The following PIAS4 variants were observed in gnomAD, a reference collection of about 807,000 sequenced individuals.
PIAS4 encodes protein inhibitor of activated STAT 4, also known as E3 SUMO-protein ligase PIAS4.
A neutral mutation model predicts 58.0 loss-of-function variants in PIAS4; 7 were observed. That is an observed-to-expected ratio of 0.12 (90% confidence interval 0.07 to 0.23). The LOEUF (loss-of-function observed/expected upper bound fraction) is 0.23, where lower values mean the gene tolerates loss of function less well. Among genes scored for constraint, PIAS4 ranks in the 10% least tolerant of loss-of-function variants. PIAS4 has a pLI of 1.00. For missense variants in PIAS4, 550 were observed against 709.5 expected, an observed-to-expected ratio of 0.78 and a Z score of 2.55; for synonymous variants, 364 against 312.4, an observed-to-expected ratio of 1.17 and a Z score of -1.74.
intron 9 of PIAS4, among the ~76,000 whole-genome samples, chr19:4,035,564 C>T (rs906752055): frequency 6.6e-6 from 1 of 152,084 alleles, no homozygotes; most frequent in Non-Finnish European, 1.5e-5. Context: ...GAGGCTGTGG[C>T]TGGCATGGGC....
intron 2 of PIAS4, among the ~76,000 whole-genome samples, chr19:4,023,265 G>GGTGA (rs1473259413): frequency 1.3e-5 from 2 of 151,680 alleles, no homozygotes; most frequent in African/African-American, 4.8e-5. Flanking sequence ...GATCACCTGA[G>GGTGA]GTCACGAGTT....
intron 9 of PIAS4, among the ~76,000 whole-genome samples, chr19:4,036,928 A>T (rs1475951736): frequency 7.1e-6 from 1 of 140,086 alleles, no homozygotes; most frequent in South Asian, 2.2e-4. Context: ...ACACATGCTC[A>T]CACACACACA....
rs774566919 is a variant in PIAS4, at chr19:4,033,491, C to T, written c.1053C>T (p.Val351=). Residue 351 remains valine (V), a synonymous_variant, in exon 9 of 11, where the codon GTC becomes GTT. Coordinates refer to ENST00000262971, the MANE Select transcript of PIAS4 (RefSeq NM_015897.4). The part of the protein sequence containing the change: ...TCAHLQCFDA[V]FYLQMNEKKP... ...CCCACCTGCAGTGCTTCGACGCCGT[C>T]TTCTACCTGCAGATGAACGAGAAGA... The T allele has an allele frequency of 3.1e-6, 5 of 1,591,964 alleles. No individual in the cohort carries two copies. In the African/African-American group the frequency reaches 5.4e-5, roughly 17 times the overall value.
chr19:4,022,359 G>T (rs1024095805), intron 2 of PIAS4, among the ~76,000 whole-genome samples: 1 of 151,198 alleles, frequency 6.6e-6, no homozygotes. Flanking sequence ...GTTTTTGGTG[G>T]TTTTTTTTGA....
chr19:4,021,377 C>T (rs1260146562), intron 2 of PIAS4, among the ~76,000 whole-genome samples: 2 of 152,016 alleles, frequency 1.3e-5, no homozygotes, highest in African/African-American at 4.8e-5. Context: ...GAACTCCTGA[C>T]CTCAAGTGAT....
At chr19:4,026,966 G>A (rs1599226173) in intron 3 of PIAS4, among the ~76,000 whole-genome samples, 1 of 151,858 alleles carries the variant, frequency 6.6e-6, no homozygotes, top group East Asian at 1.9e-4. Context: ...TCCTGCCTCA[G>A]CCTCCCAAGT....
chr19:4,008,690 C>G (rs963851899), intron 1 of PIAS4, among the ~76,000 whole-genome samples: 5 of 152,164 alleles, frequency 3.3e-5, no homozygotes, highest in Non-Finnish European at 7.3e-5. Flanking sequence ...TAAACCTCAC[C>G]TGTGCAGCAT....
intron 1 of PIAS4, among the ~76,000 whole-genome samples, chr19:4,012,618 T>A (rs905225238): frequency 6.6e-6 from 1 of 152,294 alleles, no homozygotes; most frequent in Non-Finnish European, 1.5e-5. Context: ...TGTCAGTTCC[T>A]GCCCTGGGGA....
At chr19:4,036,664 A>G (rs1248719684) in intron 9 of PIAS4, among the ~76,000 whole-genome samples, 1 of 141,662 alleles carries the variant, frequency 7.1e-6, no homozygotes, top group Non-Finnish European at 1.5e-5. Flanking sequence ...ACACACATCT[A>G]TACAGTCCAC....
chr19:4,033,620 A>C, intron 9 of PIAS4, 40 bp downstream of exon 9: 1 of 1,529,788 alleles, frequency 6.5e-7, no homozygotes, highest in Non-Finnish European at 8.8e-7. Flanking sequence ...GGAGCCGGAC[A>C]TCCGTGGAGG....
At chr19:4,007,895 C>T (rs2039958250) in intron 1 of PIAS4, 108 bp downstream of exon 1, 3 of 864,096 alleles carry the variant, frequency 3.5e-6, no homozygotes, top group African/African-American at 3.6e-5. Flanking sequence ...GCGCGGCCGG[C>T]CCGCGGCTCG....
chr19:4,020,577 A>C (rs772187827), intron 2 of PIAS4, among the ~76,000 whole-genome samples: 1 of 152,184 alleles, frequency 6.6e-6, no homozygotes, highest in Non-Finnish European at 1.5e-5. Flanking sequence ...TTTTCATTAC[A>C]CAAGTGATAG....
chr19:4,038,216 T>TCCCCTCCGGATG lies in PIAS4; in HGVS notation c.*346_*357dup, dbSNP rs2040323904. Reference sequence around the variant, plus strand: ...GGGACCAGGACGCCGCCCCGCGCCCTCCCCTCCGGATGCCCCGCCGCCCGC... The same window carrying TCCCCTCCGGATG: ...GGGACCAGGACGCCGCCCCGCGCCCTCCCCTCCGGATGCCCCTCCGGATGCCCCGCCGCCCGC... On this transcript the variant is annotated 3_prime_UTR_variant, in exon 11 of 11. Transcript: ENST00000262971. This position sits in a 1 kb window ranked among gnomAD's most constrained non-coding sequence, Gnocchi z 4.1. 1 of 254,730 alleles carries TCCCCTCCGGATG rather than the reference T, an allele frequency of 3.9e-6. No homozygotes were observed. Among genetic ancestry groups the TCCCCTCCGGATG allele is most frequent in the Admixed American group, 5.7e-5 (1 of 17,528 alleles). The allele number at this position is 254,730 out of a possible 1,614,324, so 15.8% of individuals were successfully genotyped here.
At chr19:4,029,081 C>T (rs2040197752) in intron 7 of PIAS4, 45 bp downstream of exon 7, 1 of 1,405,176 alleles carries the variant, frequency 7.1e-7, no homozygotes, top group South Asian at 1.2e-5. Flanking sequence ...CAAGTCCACC[C>T]TGGAAACCCG....
At chr19:4,022,056 C>T (rs1367791675) in intron 2 of PIAS4, among the ~76,000 whole-genome samples, 3 of 152,014 alleles carry the variant, frequency 2.0e-5, no homozygotes, top group Non-Finnish European at 4.4e-5. Flanking sequence ...TCTGGACCTG[C>T]AGTTTTCAGA....
intron 2 of PIAS4, chr19:4,018,677 C>T (rs1329164633): frequency 6.6e-6 from 1 of 152,236 alleles, no homozygotes; most frequent in Non-Finnish European, 1.5e-5. Context: ...CTTCAGTGGC[C>T]CAACAAGAAG....
chr19:4,035,959 A>ACATC (rs752330032), intron 9 of PIAS4, among the ~76,000 whole-genome samples: 23 of 7,888 alleles, frequency 2.9e-3, no homozygotes, highest in South Asian at 5.0e-3. Context: ...CATAACACAC[A>ACATC]CATACAGTCC....
At position 4,036,688 on chromosome 19, in the gene PIAS4, C is replaced by T. The variant is rs1405111394; in HGVS notation, c.1143-686C>T. 1.1e-3 allele frequency among the ~76,000 whole-genome samples: 156 copies of T among 140,022 alleles called. 18 individuals are homozygous for T. Among genetic ancestry groups the T allele is most frequent in the African/African-American group, 4.9e-3 (150 of 30,438 alleles). The allele number at this position is 140,022 out of a possible 152,430, so 91.9% of individuals were successfully genotyped here. A position where few individuals can be genotyped will look rare whatever the true frequency, so the allele number is the denominator to read the frequency against. On this transcript the variant is annotated intron_variant, in intron 9 of 10. Coordinates refer to ENST00000262971, the MANE Select transcript of PIAS4 (RefSeq NM_015897.4). ...TATACAGTCCACACCGTCACACATC[C>T]ATATAGTCCACACCATCATACACAC... is the stretch of plus-strand genomic sequence containing the variant.
chr19:4,009,487 C>T (rs756356508), intron 1 of PIAS4, among the ~76,000 whole-genome samples: 1 of 152,078 alleles, frequency 6.6e-6, no homozygotes, highest in South Asian at 2.1e-4. Flanking sequence ...TGGCTGAGGG[C>T]AGGGTCTGCA....
Sources: gnomAD v4.1 joint callset for allele counts (sites outside exome capture counted in the v4.1 genomes callset) on GRCh38, gnomAD v4.1.1 for gene constraint, Gnocchi (gnomAD v3.1) non-coding constraint, MANE v1.5 for transcripts, NCBI Gene and HGNC (gene_info 2026-07-23, HGNC 2026-07-21) for gene names.